Variants in SEMA5A observed in about 807,000 individuals in gnomAD.
SEMA5A encodes the protein semaphorin 5A, also known as semaphorin-5A.
In SEMA5A, 55 loss-of-function variants were observed where a neutral mutation model predicts 135.5. That is an observed-to-expected ratio of 0.41 (90% CI 0.33 to 0.51). The LOEUF (loss-of-function observed/expected upper bound fraction) is 0.51. SEMA5A is among the 20% of genes least tolerant of loss of function. The pLI is 0.37. For missense variants in SEMA5A, 1,290 were observed against 1,419.9 expected, an observed-to-expected ratio of 0.91 and a Z score of 1.47; for synonymous variants, 580 against 546.5, an observed-to-expected ratio of 1.06 and a Z score of -0.85.
chr5:9,140,938 G>A (rs768907326), intron 12 of SEMA5A, among the ~76,000 whole-genome samples: 1 of 152,148 alleles, frequency 6.6e-6, no homozygotes, highest in Non-Finnish European at 1.5e-5. Context: ...AGTGTTAGAG[G>A]GAAGTATTTC....
At chr5:9,143,028 T>G (rs750151888) in intron 12 of SEMA5A, among the ~76,000 whole-genome samples, 1 of 152,218 alleles carries the variant, frequency 6.6e-6, no homozygotes, top group Non-Finnish European at 1.5e-5. Context: ...ATAGCCTTCC[T>G]GAGACATCCA....
chr5:9,265,842 T>A (rs1172881651), intron 5 of SEMA5A, among the ~76,000 whole-genome samples: 1 of 152,124 alleles, frequency 6.6e-6, no homozygotes, highest in Non-Finnish European at 1.5e-5. Flanking sequence ...TTGAGAATGT[T>A]AAGGGCTCAG....
intron 2 of SEMA5A, among the ~76,000 whole-genome samples, chr5:9,407,557 G>A (rs1379746219): frequency 6.6e-6 from 1 of 152,162 alleles, no homozygotes; most frequent in Admixed American, 6.5e-5. Context: ...ACCTCCAAGG[G>A]AAGTGTATTT....
Position 9,136,497 on chromosome 5 carries a change from C to T in SEMA5A, c.1599+7G>A. ...ATTTTCAGAGGATGGAGAAGGTGGGCACTCACCGGACACGCAGAGATGCTC... is the reference window on the plus strand; with the variant it reads ...ATTTTCAGAGGATGGAGAAGGTGGGTACTCACCGGACACGCAGAGATGCTC... On this transcript the variant is annotated splice_region_variant and intron_variant, in intron 13 of 22. Transcript: ENST00000382496. The T allele has an allele frequency of 6.2e-7, 1 of 1,608,294 alleles. No homozygotes were observed.
In SEMA5A at chr5:9,390,360, G is replaced by T. The variant is rs561058978; in HGVS notation, c.-77-10337C>A. ...GGGTCAGATAAGTTATTCCAGCACA[G>T]ATAATTCACTGGAACCACTTGAAAT... On this transcript the variant is annotated intron_variant, in intron 2 of 22. Transcript: ENST00000382496. 3.3e-5 allele frequency among the ~76,000 whole-genome samples: 5 copies of T among 152,288 alleles called. No individual in the cohort carries two copies. In the East Asian group the frequency reaches 9.6e-4, roughly 29 times the overall value.
At chr5:9,307,734 T>C (rs1386478052) in intron 5 of SEMA5A, among the ~76,000 whole-genome samples, 1 of 152,144 alleles carries the variant, frequency 6.6e-6, no homozygotes, top group African/African-American at 2.4e-5. Context: ...TCAGCAGTCA[T>C]GGCACTTATG....
At chr5:9,469,536 G>GA (rs373088795) in intron 1 of SEMA5A, among the ~76,000 whole-genome samples, 101 of 152,194 alleles carry the variant, frequency 6.6e-4, no homozygotes, top group African/African-American at 2.4e-3. Flanking sequence ...TCACATTTGA[G>GA]AAAAATGAGG....
intron 2 of SEMA5A, among the ~76,000 whole-genome samples, chr5:9,429,416 A>G (rs1306463993): frequency 6.6e-6 from 1 of 152,258 alleles, no homozygotes; most frequent in African/African-American, 2.4e-5. Context: ...GGAATGGAGC[A>G]GTGAGTGAAC....
intron 1 of SEMA5A, among the ~76,000 whole-genome samples, chr5:9,455,485 T>C (rs12517389): frequency 0.27 from 40,459 of 151,844 alleles, 5,700 homozygotes; most frequent in Middle Eastern, 0.32. Flanking sequence ...CTCAATCTCC[T>C]GACTTTGTGA....
intron 5 of SEMA5A, among the ~76,000 whole-genome samples, chr5:9,268,052 T>C (rs1486872258): frequency 6.6e-6 from 1 of 152,122 alleles, no homozygotes; most frequent in African/African-American, 2.4e-5. Flanking sequence ...GCCATGTAAA[T>C]ATGCTAATTT....
chr5:9,504,299 G>A (rs1028335648), intron 1 of SEMA5A, among the ~76,000 whole-genome samples: 1 of 149,868 alleles, frequency 6.7e-6, no homozygotes, highest in Non-Finnish European at 1.5e-5. Flanking sequence ...CAATCTTCTT[G>A]CTAATATTAT....
intron 3 of SEMA5A, among the ~76,000 whole-genome samples, chr5:9,360,689 G>A (rs1292690399): frequency 3.3e-5 from 5 of 152,118 alleles, no homozygotes; most frequent in Non-Finnish European, 5.9e-5. Context: ...AACACAGTGG[G>A]TATTTTACAT....
intron 8 of SEMA5A, among the ~76,000 whole-genome samples, chr5:9,219,000 G>A (rs952790701): frequency 1.3e-5 from 2 of 152,150 alleles, no homozygotes; most frequent in African/African-American, 2.4e-5. Flanking sequence ...TATCATCTTC[G>A]TTGTCCCACT....
At chr5:9,052,094 T>C (rs1736617869) in intron 19 of SEMA5A, 66 bp from the exon 20 acceptor site, 2 of 1,445,372 alleles carry the variant, frequency 1.4e-6, no homozygotes, top group South Asian at 2.9e-5. Flanking sequence ...CTAGACTCAC[T>C]GGCAAGTTAC....
At chr5:9,064,238 G>A (rs1737335949) in intron 17 of SEMA5A, among the ~76,000 whole-genome samples, 1 of 152,130 alleles carries the variant, frequency 6.6e-6, no homozygotes, top group Non-Finnish European at 1.5e-5. Context: ...GTGGTCAGAG[G>A]AAAATGAGTC....
rs1261963484 is a variant in SEMA5A at position 9,076,185 on chromosome 5, G to C, written c.2074-9539C>G. 4.6e-5 allele frequency among the ~76,000 whole-genome samples: 6 copies of C among 130,588 alleles called. No individual in the cohort carries two copies. The South Asian group carries it at 1.3e-3, about 28-fold the overall frequency. The allele number at this position is 130,588 out of a possible 152,430, so 85.7% of individuals were successfully genotyped here. A position where few individuals can be genotyped will look rare whatever the true frequency, so the allele number is the denominator to read the frequency against. ...GCACCACTGCACTCCAACCTGGTGA[G>C]AGAGTGAGACTCCATCTCAAAAAAA... is the stretch of plus-strand genomic sequence containing the variant. On this transcript the variant is annotated intron_variant, in intron 16 of 22. Transcript: ENST00000382496.
intron 2 of SEMA5A, among the ~76,000 whole-genome samples, chr5:9,423,419 C>G (rs913688782): frequency 1.3e-5 from 2 of 152,302 alleles, no homozygotes; most frequent in South Asian, 4.1e-4. Flanking sequence ...ACAAACTATG[C>G]GCAGCCTTTT....
chr5:9,396,372 G>A (rs1390561815), intron 2 of SEMA5A, among the ~76,000 whole-genome samples: 2 of 152,040 alleles, frequency 1.3e-5, no homozygotes, highest in Non-Finnish European at 2.9e-5. Flanking sequence ...GATATTTTGT[G>A]CTGGGTATAT....
chr5:9,327,334 GTAATT>G (rs1752925214), intron 4 of SEMA5A, among the ~76,000 whole-genome samples: 1 of 152,080 alleles, frequency 6.6e-6, no homozygotes, highest in Non-Finnish European at 1.5e-5. Context: ...CAAGATAACT[GTAATT>G]TAATTTTTGT....
Sources: gnomAD v4.1 joint callset for allele counts (sites outside exome capture counted in the v4.1 genomes callset) on GRCh38, gnomAD v4.1.1 for gene constraint, MANE v1.5 for transcripts, NCBI Gene and HGNC (gene_info 2026-07-23, HGNC 2026-07-21) for gene names.